Variants in STK33 observed in about 807,000 individuals in gnomAD.
STK33 encodes serine/threonine kinase 33, also known as serine/threonine-protein kinase 33.
In STK33, 52 loss-of-function variants were observed where a neutral mutation model predicts 58.0. The observed-to-expected ratio is 0.90, with a 90% CI of 0.72 to 1.13. The LOEUF (loss-of-function observed/expected upper bound fraction) is 1.13, where lower values mean the gene tolerates loss of function less well. Ranked by LOEUF, STK33 falls within the 50% of genes most tolerant of loss-of-function variation. The pLI, the probability that STK33 is intolerant of heterozygous loss-of-function variation, is 0.00. For synonymous variants in STK33, 215 were observed against 200.1 expected (o/e 1.07, Z -0.63); for missense variants, 630 against 604.2 (o/e 1.04, Z -0.45).
chr11:8,493,270 C>T (rs951408378), intron 1 of STK33, among the ~76,000 whole-genome samples: 4 of 151,700 alleles, frequency 2.6e-5, no homozygotes, highest in Admixed American at 2.0e-4. Flanking sequence ...GGGATAGCAC[C>T]ACCGATGACA....
At position 8,475,079 on chromosome 11, in the gene STK33, A is replaced by G; in HGVS notation, c.-161-13T>C. ...TCACACGTGAGAGCTGCAGAAAGAAAAGAAATAACCATTTAGAGAAATTCT... is the reference window on the plus strand; with the variant it reads ...TCACACGTGAGAGCTGCAGAAAGAAGAGAAATAACCATTTAGAGAAATTCT... On this transcript the variant is annotated splice_polypyrimidine_tract_variant and intron_variant, in intron 4 of 15. Transcript: ENST00000687296. 2.0e-6 allele frequency: 1 copy of G among 502,526 alleles called. No individual in the cohort carries two copies. Among genetic ancestry groups the G allele is most frequent in the African/African-American group, 2.0e-5 (1 of 50,260 alleles). The allele number at this position is 502,526 out of a possible 1,614,324, so 31.1% of individuals were successfully genotyped here.
At chr11:8,461,775 T>G (rs1174079202) in intron 8 of STK33, 30 bp downstream of exon 8, 3 of 1,491,864 alleles carry the variant, frequency 2.0e-6, no homozygotes, top group Non-Finnish European at 2.7e-6. Flanking sequence ...AATAACAACT[T>G]TCAAAATGCA....
the STK33 span, among the ~76,000 whole-genome samples, chr11:8,384,527 G>A: frequency 6.6e-6 from 1 of 152,194 alleles, no homozygotes; most frequent in Non-Finnish European, 1.5e-5. Flanking sequence ...GTGCTTCAGT[G>A]GTCACGCTCC....
At chr11:8,394,861 A>AT (rs923571433) in intron 15 of STK33, among the ~76,000 whole-genome samples, 17 of 152,124 alleles carry the variant, frequency 1.1e-4, no homozygotes, top group Non-Finnish European at 1.6e-4. Flanking sequence ...CCTCAGCCAA[A>AT]TTTTTTTGTA....
chr11:8,473,762 A>G (rs1429885821), intron 5 of STK33, among the ~76,000 whole-genome samples: 1 of 152,212 alleles, frequency 6.6e-6, no homozygotes, highest in African/African-American at 2.4e-5. Flanking sequence ...GTCAAGGGAG[A>G]ACATATGAAG....
chr11:8,433,296 A>G (rs1414291668), intron 14 of STK33, among the ~76,000 whole-genome samples: 1 of 152,250 alleles, frequency 6.6e-6, no homozygotes, highest in East Asian at 1.9e-4. Context: ...AAATTGCCAA[A>G]GGAAAATTAG....
intron 6 of STK33, among the ~76,000 whole-genome samples, chr11:8,471,544 A>G (rs1248235970): frequency 6.6e-6 from 1 of 152,142 alleles, no homozygotes; most frequent in Non-Finnish European, 1.5e-5. Flanking sequence ...GTTCATCTAA[A>G]TATTAATAGT....
chr11:8,574,764 C>T (rs1043421056), intron 1 of STK33, among the ~76,000 whole-genome samples: 4 of 152,054 alleles, frequency 2.6e-5, no homozygotes, highest in Non-Finnish European at 4.4e-5. Context: ...TGAGGCTAGG[C>T]ATGGTGGCTC....
intron 15 of STK33, among the ~76,000 whole-genome samples, chr11:8,408,579 G>T (rs1054221519): frequency 6.6e-6 from 1 of 152,204 alleles, no homozygotes; most frequent in African/African-American, 2.4e-5. Context: ...AACAGGTCAA[G>T]ATTCATGTTA....
At chr11:8,545,801 ACCT>A (rs1397886485) in intron 1 of STK33, among the ~76,000 whole-genome samples, 9 of 152,132 alleles carry the variant, frequency 5.9e-5, no homozygotes, top group Non-Finnish European at 1.0e-4. Context: ...GAGGTATCAC[ACCT>A]CCTAATTTCA....
intron 1 of STK33, among the ~76,000 whole-genome samples, chr11:8,529,613 A>T (rs1218244636): frequency 1.3e-5 from 2 of 152,172 alleles, no homozygotes; most frequent in African/African-American, 4.8e-5. Flanking sequence ...GCCCTAAGTA[A>T]TCACAAGGAT....
chr11:8,384,857 TG>T, the STK33 span, among the ~76,000 whole-genome samples: 30 of 152,196 alleles, frequency 2.0e-4, no homozygotes. Context: ...CGCGCATTCA[TG>T]GTAGTGGTCC....
rs779445224 is a variant in STK33, at chr11:8,461,840, T to C, written c.523A>G (p.Ile175Val). 3.7e-6 allele frequency: 6 copies of C among 1,602,152 alleles called. No homozygotes were observed. Among genetic ancestry groups the C allele is most frequent in the Admixed American group, 3.5e-5 (2 of 57,316 alleles). The change falls in exon 8 of 16, where the codon ATC (isoleucine) becomes GTC (valine). Residue 175 changes from isoleucine (I) to valine (V), a missense_variant. Physicochemically the swap from Ile to Val is conservative, Grantham distance 29 (BLOSUM62 3). Transcript: ENST00000687296. ...NILKSVKHEH[I>V]IHLEQVFETP... is the part of the protein sequence containing the mutation. ...TCAAATACTTGTTCCAGATGTATGA[T>C]GTGTTCATGTTTTACACTTTTCAGA...
chr11:8,351,411 G>T, the STK33 span, among the ~76,000 whole-genome samples: 3 of 152,218 alleles, frequency 2.0e-5, no homozygotes, highest in Non-Finnish European at 4.4e-5. Context: ...TCAGGACCCG[G>T]TGGCCATCAG....
chr11:8,589,043 G>A (rs1439979238), intron 1 of STK33, among the ~76,000 whole-genome samples: 4 of 152,176 alleles, frequency 2.6e-5, no homozygotes, highest in African/African-American at 9.6e-5. Context: ...ATGGAGAAAT[G>A]AGAATGCTCA....
At chr11:8,472,543 A>G (rs866940053) in intron 6 of STK33, among the ~76,000 whole-genome samples, 2 of 152,326 alleles carry the variant, frequency 1.3e-5, no homozygotes, top group South Asian at 4.1e-4. Flanking sequence ...ACATTTATTA[A>G]GTATACCATC....
chr11:8,462,416 C>A (rs1439400532), intron 7 of STK33, among the ~76,000 whole-genome samples: 1 of 142,328 alleles, frequency 7.0e-6, no homozygotes, highest in Non-Finnish European at 1.5e-5. Context: ...TATATACACA[C>A]ACATATATAT....
At chr11:8,370,737 C>T in the STK33 span, among the ~76,000 whole-genome samples, 2 of 143,912 alleles carry the variant, frequency 1.4e-5, no homozygotes, top group Middle Eastern at 3.7e-3. Context: ...GGAGGGGCCC[C>T]GGGCAAGAGT....
intron 1 of STK33, among the ~76,000 whole-genome samples, chr11:8,554,070 A>C (rs1956556418): frequency 6.6e-6 from 1 of 152,140 alleles, no homozygotes; most frequent in Non-Finnish European, 1.5e-5. Context: ...TAATATCCAA[A>C]ATATGTAAGG....
Sources: gnomAD v4.1 joint callset for allele counts (sites outside exome capture counted in the v4.1 genomes callset) on GRCh38, gnomAD v4.1.1 for gene constraint, MANE v1.5 for transcripts, NCBI Gene and HGNC (gene_info 2026-07-23, HGNC 2026-07-21) for gene names.